MCM9: variants seen among roughly 807,000 people sequenced by gnomAD.
MCM9 encodes the protein DNA helicase MCM9.
MCM9 carries 55 observed loss-of-function variants against 72.8 expected under a neutral mutation model. The ratio of observed to expected loss-of-function variants is 0.76; its 90% confidence interval spans 0.61 to 0.95. The LOEUF is 0.95. Among genes scored for constraint, MCM9 ranks in the 40% least tolerant of loss-of-function variants. The probability of loss-of-function intolerance (pLI) is 0.00; values close to 1 mark genes in which losing one functional copy is unlikely to be tolerated. For missense variants in MCM9, 1,279 were observed against 1,377.0 expected (o/e 0.93, Z 1.13); for synonymous variants, 480 against 503.4 (o/e 0.95, Z 0.62).
At position 118,839,857 on chromosome 6, in the gene MCM9, C is replaced by A. The variant is rs747394812; in HGVS notation, c.1326-10607G>T. Among the ~76,000 whole-genome samples, 4 of 152,144 alleles carry A rather than the reference C, an allele frequency of 2.6e-5. No individual in the cohort carries two copies. In the South Asian group the frequency reaches 8.3e-4, roughly 31 times the overall value. ...GAGCTGTCCTGTATGAGGTGTCTGT[C>A]GACCCCTGCTTGGAGGTGTCTCCCA... On this transcript the variant is annotated intron_variant, in intron 9 of 13. Transcript: ENST00000619706.
chr6:118,909,715 T>C (rs1780400867), intron 8 of MCM9, among the ~76,000 whole-genome samples: 1 of 152,216 alleles, frequency 6.6e-6, no homozygotes, highest in South Asian at 2.1e-4. Flanking sequence ...TATACAACTT[T>C]AGGCTCCCAT....
chr6:118,909,284 T>G lies in MCM9; in HGVS notation c.1150+2366A>C, dbSNP rs56231035. 4.1e-3 allele frequency: 627 copies of G among 152,348 alleles called. 10 individuals carry two copies. The highest frequency in any genetic ancestry group is 0.015 in the African/African-American group (607 of 41,582). The allele number at this position is 152,348 out of a possible 1,614,324, so 9.4% of individuals were successfully genotyped here. A position where few individuals can be genotyped will look rare whatever the true frequency, so the allele number is the denominator to read the frequency against. ...CTGCTGAGTTTTTATTCTGACTAAT[T>G]ATAACAATCTATTTGTAGTGACATC... is the stretch of plus-strand genomic sequence containing the variant. On this transcript the variant is annotated intron_variant, in intron 8 of 13. Coordinates refer to ENST00000619706, the MANE Select transcript of MCM9 (RefSeq NM_017696.3).
At chr6:118,902,701 C>A (rs906331142) in intron 8 of MCM9, among the ~76,000 whole-genome samples, 2 of 152,098 alleles carry the variant, frequency 1.3e-5, no homozygotes, top group Non-Finnish European at 2.9e-5. Context: ...GTGATCTTCA[C>A]GTAGTTTTAC....
chr6:118,913,559 G>A (rs1780712700), intron 6 of MCM9, 139 bp from the exon 7 acceptor site: 2 of 1,068,000 alleles, frequency 1.9e-6, no homozygotes, highest in Non-Finnish European at 2.7e-6. Flanking sequence ...AATTCCAAAT[G>A]ACCAACAGGA....
chr6:118,833,803 T>A (rs978056496), intron 9 of MCM9, among the ~76,000 whole-genome samples: 4 of 152,154 alleles, frequency 2.6e-5, no homozygotes, highest in Admixed American at 6.5e-5. Context: ...GGAGTTTTTT[T>A]AAACAGGTAT....
chr6:118,908,282 GT>G (rs1195700085), intron 8 of MCM9: 4 of 152,060 alleles, frequency 2.6e-5, no homozygotes, highest in Admixed American at 2.6e-4. Context: ...TTATAACAGA[GT>G]TTAGAATATC....
At chr6:118,868,422 G>A (rs750194289) in intron 8 of MCM9, among the ~76,000 whole-genome samples, 8 of 152,110 alleles carry the variant, frequency 5.3e-5, no homozygotes, top group Non-Finnish European at 8.8e-5. Flanking sequence ...AGACAAATGG[G>A]ATCTAATTAA....
At chr6:118,880,065 C>T (rs1438853501) in intron 8 of MCM9, among the ~76,000 whole-genome samples, 1 of 148,912 alleles carries the variant, frequency 6.7e-6, no homozygotes. Context: ...AAAAAAACAC[C>T]AAAGAAAAGA....
At chr6:118,827,656 G>C (rs1774251782) in intron 11 of MCM9, among the ~76,000 whole-genome samples, 1 of 152,040 alleles carries the variant, frequency 6.6e-6, no homozygotes, top group Non-Finnish European at 1.5e-5. Flanking sequence ...TCAGAAGTAA[G>C]GCTTTCTAAG....
At chr6:118,868,168 C>T (rs1185577083) in intron 8 of MCM9, among the ~76,000 whole-genome samples, 3 of 152,116 alleles carry the variant, frequency 2.0e-5, no homozygotes, top group Admixed American at 6.5e-5. Flanking sequence ...AGCCACTGCA[C>T]TCAGCCAATT....
At chr6:118,845,613 T>C (rs1258494691) in intron 9 of MCM9, among the ~76,000 whole-genome samples, 1 of 151,876 alleles carries the variant, frequency 6.6e-6, no homozygotes, top group African/African-American at 2.4e-5. Context: ...TTTTTCCATA[T>C]CTAGCACAGG....
chr6:118,821,592 A>G (rs1016048474), intron 13 of MCM9, among the ~76,000 whole-genome samples: 3 of 152,074 alleles, frequency 2.0e-5, no homozygotes, highest in African/African-American at 7.2e-5. Context: ...TCAGATGAGT[A>G]TATGTCTTGG....
At chr6:118,880,764 G>A (rs1778236123) in intron 8 of MCM9, among the ~76,000 whole-genome samples, 2 of 152,138 alleles carry the variant, frequency 1.3e-5, no homozygotes, top group African/African-American at 4.8e-5. Context: ...GGCAGCCAGG[G>A]GACAAAGGGA....
At chr6:118,828,236 A>C in intron 10 of MCM9, 106 bp from the exon 11 acceptor site, 2 of 907,250 alleles carry the variant, frequency 2.2e-6, no homozygotes, top group South Asian at 1.8e-5. Flanking sequence ...GATAACCTTC[A>C]TGTTTTGTGG....
intron 8 of MCM9, among the ~76,000 whole-genome samples, chr6:118,867,623 C>T (rs1055407202): frequency 2.6e-5 from 4 of 152,128 alleles, no homozygotes; most frequent in African/African-American, 9.7e-5. Flanking sequence ...GTATTCCATA[C>T]AGTAACATGC....
chr6:118,820,950 C>CT (rs908882496), intron 13 of MCM9, among the ~76,000 whole-genome samples: 7 of 150,954 alleles, frequency 4.6e-5, no homozygotes, highest in East Asian at 1.9e-4. Flanking sequence ...GCAACCCCTG[C>CT]TTTTTTTTTG....
chr6:118,831,856 A>C (rs929703463), intron 9 of MCM9, among the ~76,000 whole-genome samples: 2 of 152,162 alleles, frequency 1.3e-5, no homozygotes, highest in East Asian at 3.8e-4. Flanking sequence ...GATCATCCCT[A>C]ATCACAGCAA....
rs1184382691 is a variant in MCM9, at chr6:118,915,858, C to T, written c.904+1703G>A. On this transcript the variant is annotated intron_variant, in intron 6 of 13. Transcript: ENST00000619706. Reference sequence around the variant, plus strand: ...CTTCTGCCTTTTATCCAATAAATGGCTCATGCAACAGTAGCCTAATTAAAA... The same window carrying T: ...CTTCTGCCTTTTATCCAATAAATGGTTCATGCAACAGTAGCCTAATTAAAA... 2.0e-5 allele frequency among the ~76,000 whole-genome samples: 3 copies of T among 152,152 alleles called. No homozygotes were observed. The East Asian group carries it at 5.8e-4, about 29-fold the overall frequency.
intron 8 of MCM9, among the ~76,000 whole-genome samples, chr6:118,872,043 C>T (rs901946524): frequency 6.6e-6 from 1 of 151,884 alleles, no homozygotes; most frequent in African/African-American, 2.4e-5. Context: ...AAAGGCCGGG[C>T]GCGGTGGCTC....
Sources: gnomAD v4.1 joint callset for allele counts (sites outside exome capture counted in the v4.1 genomes callset) on GRCh38, gnomAD v4.1.1 for gene constraint, MANE v1.5 for transcripts, NCBI Gene and HGNC (gene_info 2026-07-23, HGNC 2026-07-21) for gene names.